Variants in DMD observed in about 807,000 individuals in gnomAD.
DMD encodes the protein dystrophin, also known as mutant dystrophin.
DMD carries 63 observed loss-of-function variants against 330.1 expected under a neutral mutation model. That is an observed-to-expected ratio of 0.19 (90% confidence interval 0.16 to 0.24). DMD has a LOEUF of 0.24. Ranked by LOEUF, DMD falls within the 10% of genes least tolerant of loss-of-function variation. DMD has a pLI of 1.00. For missense variants in DMD, 3,344 were observed against 2,684.1 expected, an observed-to-expected ratio of 1.25 and a Z score of -5.43; for synonymous variants, 1,223 against 959.8, an observed-to-expected ratio of 1.27 and a Z score of -5.07.
chrX:32,611,201 T>A (rs1034556475), intron 12 of DMD, among the ~76,000 whole-genome samples: 2 of 78,615 alleles, frequency 2.5e-5, no homozygotes, highest in Non-Finnish European at 4.2e-5. Context: ...CCCTTAATTT[T>A]TATAAAAAAA....
intron 60 of DMD, among the ~76,000 whole-genome samples, chrX:31,432,004 G>A (rs1415820175): frequency 9.1e-6 from 1 of 109,643 alleles, no homozygotes; most frequent in Non-Finnish European, 1.9e-5. Context: ...TGATTGAGAC[G>A]GGGTTTTACC....
intron 55 of DMD, among the ~76,000 whole-genome samples, chrX:31,559,294 T>C (rs1167972031): frequency 9.0e-6 from 1 of 111,203 alleles, no homozygotes; most frequent in Non-Finnish European, 1.9e-5. Flanking sequence ...ATTCCTTTCA[T>C]GTCTTCATCT....
chrX:31,953,004 C>T (rs975599448), intron 45 of DMD, among the ~76,000 whole-genome samples: 4 of 111,906 alleles, frequency 3.6e-5, no homozygotes, highest in Non-Finnish European at 5.6e-5. Context: ...TTGCATTAGT[C>T]AATAGTTGGC....
chrX:32,524,081 C>T (rs1279564161), intron 17 of DMD, among the ~76,000 whole-genome samples: 11 of 108,918 alleles, frequency 1.0e-4, no homozygotes, highest in Admixed American at 5.9e-4. Context: ...CACAGGCGCC[C>T]GCCACCACGC....
intron 44 of DMD, among the ~76,000 whole-genome samples, chrX:31,997,914 T>C (rs1450833851): frequency 8.9e-6 from 1 of 111,812 alleles, no homozygotes; most frequent in Non-Finnish European, 1.9e-5. Flanking sequence ...AGAATAATTA[T>C]GCAGCGAGTA....
chrX:31,260,217 G>T (rs1375853878), intron 63 of DMD, among the ~76,000 whole-genome samples: 1 of 111,577 alleles, frequency 9.0e-6, no homozygotes, highest in Non-Finnish European at 1.9e-5. Flanking sequence ...ACTCCAGCCT[G>T]GGAGACAGAG....
chrX:32,514,255 A>G lies in DMD; in HGVS notation c.2292+3753T>C, dbSNP rs776125471. Among the ~76,000 whole-genome samples, 7 of 107,426 alleles carry G rather than the reference A, an allele frequency of 6.5e-5. No individual in the cohort carries two copies. In the East Asian group the frequency reaches 2.1e-3, roughly 32 times the overall value. The allele number at this position is 107,426 out of a possible 115,157, so 93.3% of individuals were successfully genotyped here. ...AGGTGGAAAAAAAAAAAAAAAAAAG[A>G]TACTATGAGCACAAATACCCACAAT... On this transcript the variant is annotated intron_variant, in intron 18 of 78. Transcript: ENST00000357033.
chrX:32,069,543 T>C (rs372962024), intron 44 of DMD, among the ~76,000 whole-genome samples: 3 of 112,052 alleles, frequency 2.7e-5, no homozygotes, highest in Non-Finnish European at 5.6e-5. Context: ...CTATGTTATG[T>C]AAGGGTTTTG....
chrX:32,951,794 G>C, intron 2 of DMD, among the ~76,000 whole-genome samples: 1 of 111,196 alleles, frequency 9.0e-6, no homozygotes, highest in Non-Finnish European at 1.9e-5. Flanking sequence ...ACTATCCTAA[G>C]GGTAACTCTG....
intron 44 of DMD, among the ~76,000 whole-genome samples, chrX:32,174,673 G>A (rs748813268): frequency 9.0e-6 from 1 of 111,590 alleles, no homozygotes; most frequent in African/African-American, 3.3e-5. Context: ...TGGAAGCTAT[G>A]GTAAATTAAA....
chrX:33,306,840 C>A lies in DMD; in HGVS notation c.7+32419G>T, dbSNP rs371076051. Among the ~76,000 whole-genome samples the A allele has an allele frequency of 5.4e-5, 6 of 111,263 alleles. No individual in the cohort carries two copies. In the East Asian group the frequency reaches 1.7e-3, roughly 32 times the overall value. ...TACAACAAGATACTATGGCGCTACC[C>A]TGCCTAAGTTTCAATGTGCTCTCAA... On this transcript the variant is annotated intron_variant, in intron 1 of 17. Transcript: ENST00000288447.
chrX:32,656,719 C>G (rs1409514535), intron 9 of DMD, among the ~76,000 whole-genome samples: 1 of 111,898 alleles, frequency 8.9e-6, no homozygotes. Flanking sequence ...CTAACCCTTG[C>G]ATTGTAGGAA....
intron 7 of DMD, among the ~76,000 whole-genome samples, chrX:32,792,878 C>G (rs778792007): frequency 2.1e-4 from 23 of 111,726 alleles, no homozygotes; most frequent in South Asian, 1.1e-3. Flanking sequence ...ACTTCAACAC[C>G]CCACTCTCAG....
chrX:32,380,570 T>C lies in DMD; in HGVS notation c.4785A>G (p.Thr1595=). 2 of 1,210,811 alleles carry C rather than the reference T, an allele frequency of 1.7e-6. No individual in the cohort carries two copies. The highest frequency in any genetic ancestry group is 2.2e-6 in the Non-Finnish European group (2 of 894,966). The change falls in exon 34 of 79, where the codon ACA becomes ACG. Residue 1595 remains threonine, a synonymous_variant. Transcript: ENST00000357033. ...EWLAATDMEL[T]KRSAVEGMPS... is the part of the protein sequence containing the mutation. The stretch of plus-strand genomic sequence containing the variant: ...GCATTCCTTCAACTGCTGATCTCTT[T>C]GTCAATTCCATATCTGTAGCTGCCA...
chrX:31,257,379 G>T, intron 63 of DMD, among the ~76,000 whole-genome samples: 1 of 108,799 alleles, frequency 9.2e-6, no homozygotes, highest in South Asian at 4.1e-4. Context: ...TTAAACATTT[G>T]ACACGCCAGA....
At chrX:32,375,954 T>A (rs2097901101) in intron 34 of DMD, among the ~76,000 whole-genome samples, 1 of 111,754 alleles carries the variant, frequency 8.9e-6, no homozygotes, top group Admixed American at 9.6e-5. Context: ...GCCAAGTTTA[T>A]AAAGAACATA....
chrX:31,317,562 G>A (rs1203379570), intron 62 of DMD, among the ~76,000 whole-genome samples: 1 of 103,959 alleles, frequency 9.6e-6, no homozygotes. Context: ...ACCCAGGCTG[G>A]AGTGCAGTGG....
intron 60 of DMD, among the ~76,000 whole-genome samples, chrX:31,401,736 A>G (rs915380345): frequency 9.0e-6 from 1 of 111,522 alleles, no homozygotes; most frequent in Non-Finnish European, 1.9e-5. Context: ...TGAGGAACAC[A>G]TAAATCTCCG....
At chrX:32,744,071 A>T (rs1049372629) in intron 7 of DMD, among the ~76,000 whole-genome samples, 2 of 111,263 alleles carry the variant, frequency 1.8e-5, no homozygotes, top group Non-Finnish European at 3.8e-5. Context: ...ACACATATTC[A>T]TCTTTAAACC....
Sources: gnomAD v4.1 joint callset for allele counts (sites outside exome capture counted in the v4.1 genomes callset) on GRCh38, gnomAD v4.1.1 for gene constraint, MANE v1.5 for transcripts, NCBI Gene and HGNC (gene_info 2026-07-23, HGNC 2026-07-21) for gene names.